The following NRDC variants were observed in gnomAD, a reference collection of about 807,000 sequenced individuals.
NRDC encodes the protein nardilysin.
A neutral mutation model predicts 147.1 loss-of-function variants in NRDC; 54 were observed. That is an observed-to-expected ratio of 0.37 (90% CI 0.29 to 0.46). The LOEUF (loss-of-function observed/expected upper bound fraction) is 0.46. Among genes scored for constraint, NRDC ranks in the 20% least tolerant of loss-of-function variants. NRDC has a pLI of 1.00. For synonymous variants in NRDC, 440 were observed against 482.1 expected, an observed-to-expected ratio of 0.91 and a Z score of 1.14; for missense variants, 1,082 against 1,370.6, an observed-to-expected ratio of 0.79 and a Z score of 3.33.
intron 1 of NRDC, among the ~76,000 whole-genome samples, chr1:51,848,239 G>A (rs1681753114): frequency 1.3e-5 from 2 of 152,200 alleles, no homozygotes; most frequent in Non-Finnish European, 2.9e-5. Context: ...ACTTTGAGAG[G>A]CCAAGGCGGG....
At chr1:51,878,190 G>C (rs925124685) in intron 1 of NRDC, 85 bp downstream of exon 1, 11 of 1,471,956 alleles carry the variant, frequency 7.5e-6, no homozygotes, top group Non-Finnish European at 1.0e-5. Context: ...GCTCCATTGG[G>C]AGACATGGAG....
intron 1 of NRDC, chr1:51,860,226 C>CA (rs1348787571): frequency 3.2e-5 from 5 of 155,476 alleles, no homozygotes; most frequent in Admixed American, 2.6e-4. Flanking sequence ...CAGAGATACT[C>CA]AGAGTTGACT....
At chr1:51,877,045 G>A (rs965532452) in intron 1 of NRDC, among the ~76,000 whole-genome samples, 10 of 152,116 alleles carry the variant, frequency 6.6e-5, no homozygotes, top group Non-Finnish European at 8.8e-5. Context: ...AAAATTAGCC[G>A]GGCGTGGTGG....
chr1:51,878,652 C>T lies in NRDC; in HGVS notation c.-37G>A. 1 of 1,551,026 alleles carries T rather than the reference C, an allele frequency of 6.4e-7. No individual in the cohort carries two copies. The highest frequency in any genetic ancestry group is 8.8e-7 in the Non-Finnish European group (1 of 1,139,726). On this transcript the variant is annotated 5_prime_UTR_variant, in exon 1 of 31. Coordinates refer to ENST00000352171, the MANE Select transcript of NRDC (RefSeq NM_001101662.2). ...CTGGAGCGATGGACATCCCGCTTCC[C>T]AGGACCCACCTCCTCCGCGTTCTAG...
At chr1:51,818,190 A>T in intron 9 of NRDC, 55 bp from the exon 10 acceptor site, 1 of 1,150,966 alleles carries the variant, frequency 8.7e-7, no homozygotes, top group Non-Finnish European at 1.2e-6. Context: ...TATGACTTTT[A>T]CTACAAGAAT....
At chr1:51,790,426 G>A in intron 29 of NRDC, 107 bp downstream of exon 29, 2 of 768,070 alleles carry the variant, frequency 2.6e-6, no homozygotes, top group Non-Finnish European at 4.6e-6. Flanking sequence ...CAGGACTAGT[G>A]TTTCGAGTTT....
At chr1:51,807,461 C>T (rs185405635) in intron 17 of NRDC, among the ~76,000 whole-genome samples, 1 of 152,278 alleles carries the variant, frequency 6.6e-6, no homozygotes, top group Admixed American at 6.5e-5. Flanking sequence ...AATCCCAACA[C>T]TTTAGAAGGC....
chr1:51,869,458 ATAATT>A (rs1682978173), intron 1 of NRDC, among the ~76,000 whole-genome samples: 1 of 152,354 alleles, frequency 6.6e-6, no homozygotes, highest in South Asian at 2.1e-4. Context: ...GTGAAAAACT[ATAATT>A]TAAGTAAACA....
chr1:51,870,807 T>G (rs1363658646), intron 1 of NRDC, among the ~76,000 whole-genome samples: 1 of 146,772 alleles, frequency 6.8e-6, no homozygotes, highest in African/African-American at 2.4e-5. Flanking sequence ...TAATAATTAC[T>G]AATACTGACA....
chr1:51,818,167 G>A (rs1433326334), intron 9 of NRDC, 32 bp from the exon 10 acceptor site: 2 of 1,447,044 alleles, frequency 1.4e-6, no homozygotes, highest in Non-Finnish European at 1.9e-6. Flanking sequence ...AAGAACAGAT[G>A]TAAGTGTTTC....
chr1:51,812,560 T>C (rs1441045110), intron 14 of NRDC, among the ~76,000 whole-genome samples: 1 of 151,896 alleles, frequency 6.6e-6, no homozygotes, highest in Non-Finnish European at 1.5e-5. Context: ...AATATAGCCA[T>C]AGCTACTCCC....
At chr1:51,835,130 C>T (rs944316573) in intron 3 of NRDC, among the ~76,000 whole-genome samples, 3 of 152,096 alleles carry the variant, frequency 2.0e-5, no homozygotes, top group Non-Finnish European at 2.9e-5. Flanking sequence ...GGCGTGATCT[C>T]GGCTCACTGC....
chr1:51,859,396 T>C (rs1444186740), intron 1 of NRDC, among the ~76,000 whole-genome samples: 3 of 152,258 alleles, frequency 2.0e-5, no homozygotes, highest in African/African-American at 7.2e-5. Context: ...TTTGAGCCTC[T>C]GGAGTCAGAG....
intron 1 of NRDC, among the ~76,000 whole-genome samples, chr1:51,843,622 T>C (rs1183410524): frequency 2.0e-5 from 3 of 152,154 alleles, no homozygotes; most frequent in Admixed American, 2.0e-4. Context: ...TTAACAAACT[T>C]ATATTTGTTT....
chr1:51,846,205 A>G (rs1393223690), intron 1 of NRDC, among the ~76,000 whole-genome samples: 1 of 151,602 alleles, frequency 6.6e-6, no homozygotes, highest in Non-Finnish European at 1.5e-5. Context: ...TCCACTTCCC[A>G]GGTTCAAAGT....
intron 1 of NRDC, among the ~76,000 whole-genome samples, chr1:51,864,465 G>C (rs1277572065): frequency 6.6e-6 from 1 of 152,042 alleles, no homozygotes; most frequent in Non-Finnish European, 1.5e-5. Flanking sequence ...CCAAAAATTT[G>C]CAGAAATTTG....
At position 51,878,022 on chromosome 1, in the gene NRDC, T is replaced by G; in HGVS notation, c.341+253A>C. ...TCCTCAAAGAAACCTTCATTCTTGC[T>G]TTAGCGACTGTATTCAAATGACTCG... On this transcript the variant is annotated intron_variant, in intron 1 of 30. Transcript: ENST00000352171. 4 of 1,347,780 alleles carry G rather than the reference T, an allele frequency of 3.0e-6. No individual in the cohort carries two copies. In the South Asian group the frequency reaches 7.6e-5, roughly 26 times the overall value. 83.5% of individuals were successfully genotyped at this position (1,347,780 alleles called of 1,614,324 possible).
At chr1:51,842,353 G>GGAGAAAACAGCA (rs534894164) in intron 1 of NRDC, among the ~76,000 whole-genome samples, 102 of 151,790 alleles carry the variant, frequency 6.7e-4, no homozygotes, top group African/African-American at 2.3e-3. Context: ...TCAGATTAAT[G>GGAGAAAACAGCA]GAGAAAACCA....
In NRDC at chr1:51,789,632, T is replaced by C. The variant is rs865869804; in HGVS notation, c.3194A>G (p.Lys1065Arg). Residue 1065 changes from lysine (K) to arginine (R), a missense_variant, in exon 30 of 31, where the codon AAA becomes AGA. Physicochemically the swap from Lys to Arg is conservative, Grantham distance 26 (BLOSUM62 2). Coordinates refer to ENST00000352171, the MANE Select transcript of NRDC (RefSeq NM_001101662.2). Reference sequence around the variant, plus strand: ...CTTGAACCAGTTGACCAGGTCTGATTTTGAGAATGACTTCAGTGCTTCAAT... The same window carrying C: ...CTTGAACCAGTTGACCAGGTCTGATCTTGAGAATGACTTCAGTGCTTCAAT... ...HEIEALKSFS[K>R]SDLVNWFKAH... 6.2e-7 allele frequency: 1 copy of C among 1,613,586 alleles called. No individual in the cohort carries two copies. The highest frequency in any genetic ancestry group is 1.3e-5 in the African/African-American group (1 of 74,910).
Sources: allele counts gnomAD v4.1 joint callset (sites outside exome capture counted in the v4.1 genomes callset), GRCh38; gene constraint gnomAD v4.1.1; transcripts MANE v1.5; gene names NCBI Gene and HGNC (gene_info 2026-07-23, HGNC 2026-07-21).